Variants in NECTIN3 observed in about 807,000 individuals in gnomAD.
The protein encoded by NECTIN3 is nectin-3.
In NECTIN3, 8 loss-of-function variants were observed where a neutral mutation model predicts 49.4. That is an observed-to-expected ratio of 0.16 (90% CI 0.10 to 0.29). The LOEUF (loss-of-function observed/expected upper bound fraction) is 0.29, where lower values mean the gene tolerates loss of function less well. NECTIN3 is among the 10% of genes least tolerant of loss of function. The pLI is 1.00. For synonymous variants in NECTIN3, 277 were observed against 241.1 expected, an observed-to-expected ratio of 1.15 and a Z score of -1.38; for missense variants, 581 against 654.6, an observed-to-expected ratio of 0.89 and a Z score of 1.23.
chr3:111,178,056 C>A (rs1470302841), intron 7 of NECTIN3, among the ~76,000 whole-genome samples: 1 of 152,098 alleles, frequency 6.6e-6, no homozygotes, highest in Non-Finnish European at 1.5e-5. Flanking sequence ...TATCACATTT[C>A]GCTTTGAAAA....
chr3:111,111,768 G>T (rs192373152), intron 1 of NECTIN3, among the ~76,000 whole-genome samples: 3 of 152,148 alleles, frequency 2.0e-5, no homozygotes, highest in South Asian at 2.1e-4. Context: ...ACATATTGGC[G>T]TATTGTTAAT....
intron 7 of NECTIN3, among the ~76,000 whole-genome samples, chr3:111,186,457 G>A (rs1377636432): frequency 1.3e-5 from 2 of 152,078 alleles, no homozygotes; most frequent in Non-Finnish European, 2.9e-5. Flanking sequence ...CAAGCAATGA[G>A]GAAAGGACTC....
chr3:111,093,564 A>G (rs2032402054), intron 1 of NECTIN3, among the ~76,000 whole-genome samples: 1 of 151,850 alleles, frequency 6.6e-6, no homozygotes. Context: ...CCTCCTGAGT[A>G]ACTAGGATTA....
At position 111,137,228 on chromosome 3, in the gene NECTIN3, A is replaced by G; in HGVS notation, c.*3013A>G. On this transcript the variant is annotated 3_prime_UTR_variant, in exon 6 of 6. Transcript: ENST00000485303. ...GTTTATGTATGAAAGTAATCAATGTAAAATATAAGAAAGGAATAAATGGTA... is the reference window on the plus strand; with the variant it reads ...GTTTATGTATGAAAGTAATCAATGTGAAATATAAGAAAGGAATAAATGGTA... 2.1e-6 allele frequency: 2 copies of G among 932,966 alleles called. No individual in the cohort carries two copies. Among genetic ancestry groups the G allele is most frequent in the Non-Finnish European group, 2.6e-6 (2 of 782,432 alleles). The allele number at this position is 932,966 out of a possible 1,614,324, so 57.8% of individuals were successfully genotyped here.
At chr3:111,101,479 A>G (rs1231986305) in intron 1 of NECTIN3, among the ~76,000 whole-genome samples, 3 of 152,128 alleles carry the variant, frequency 2.0e-5, no homozygotes, top group Admixed American at 2.0e-4. Flanking sequence ...CGTGTAAGTT[A>G]TTATAGAAAC....
chr3:111,098,210 C>A (rs1175958185), intron 1 of NECTIN3, among the ~76,000 whole-genome samples: 1 of 152,198 alleles, frequency 6.6e-6, no homozygotes, highest in African/African-American at 2.4e-5. Flanking sequence ...AACGTCTTCC[C>A]TGTTTTTGTT....
chr3:111,171,554 C>T (rs577642581), intron 7 of NECTIN3, among the ~76,000 whole-genome samples: 1 of 152,278 alleles, frequency 6.6e-6, no homozygotes, highest in East Asian at 1.9e-4. Context: ...AGAAGATGCT[C>T]ACCTTCTGCA....
intron 7 of NECTIN3, among the ~76,000 whole-genome samples, chr3:111,176,435 G>T (rs1384774630): frequency 6.6e-6 from 1 of 152,104 alleles, no homozygotes; most frequent in African/African-American, 2.4e-5. Context: ...CTGCCTCTGT[G>T]CAGGTCACTT....
intron 1 of NECTIN3, among the ~76,000 whole-genome samples, chr3:111,093,672 G>A (rs576993079): frequency 6.6e-6 from 1 of 152,108 alleles, no homozygotes; most frequent in Non-Finnish European, 1.5e-5. Context: ...CTAACCTCAG[G>A]TGATCCGCCT....
intron 5 of NECTIN3, among the ~76,000 whole-genome samples, chr3:111,133,408 T>G (rs1309068677): frequency 2.0e-5 from 3 of 152,090 alleles, no homozygotes; most frequent in Non-Finnish European, 4.4e-5. Flanking sequence ...CACCATAGGT[T>G]TTATTCCTTT....
intron 7 of NECTIN3, among the ~76,000 whole-genome samples, chr3:111,162,994 C>T (rs1284710494): frequency 6.6e-6 from 1 of 152,198 alleles, no homozygotes. Context: ...ATTACTCTCT[C>T]TTATGATTCT....
chr3:111,164,084 C>T (rs2035272099), intron 7 of NECTIN3, among the ~76,000 whole-genome samples: 1 of 151,626 alleles, frequency 6.6e-6, no homozygotes, highest in African/African-American at 2.4e-5. Context: ...ATTTGTATTT[C>T]ATAATTGATA....
chr3:111,161,708 T>C lies in NECTIN3; in HGVS notation c.1221+14224T>C, dbSNP rs148509063. On this transcript the variant is annotated intron_variant, in intron 7 of 8. Coordinates refer to the NECTIN3 transcript ENST00000493615. ...AAACCATCCCCTGTACCCTGCTCCA[T>C]GGAAAAAATCGTCTTCCATGAAAGC... Among the ~76,000 whole-genome samples the C allele has an allele frequency of 1.1e-3, 164 of 152,306 alleles. 1 individual carries two copies. The East Asian group carries it at 0.029, about 27-fold the overall frequency.
At chr3:111,142,377 A>G (rs2034768474), downstream of NECTIN3, among the ~76,000 whole-genome samples, 1 of 151,862 alleles carries the variant, frequency 6.6e-6, no homozygotes, top group African/African-American at 2.4e-5. Context: ...GAGGTATGGG[A>G]GAAAGAGGAT....
In NECTIN3 at chr3:111,133,540, A is replaced by G. The variant is rs537964025; in HGVS notation, c.1070-95A>G. On this transcript the variant is annotated intron_variant, in intron 5 of 5. Coordinates refer to ENST00000485303, the MANE Select transcript of NECTIN3 (RefSeq NM_015480.3). Reference sequence around the variant, plus strand: ...CTATTGTTACTATGAATATATATTCATTAACTGTGCTGTCTTGTCAACTTG... The same window carrying G: ...CTATTGTTACTATGAATATATATTCGTTAACTGTGCTGTCTTGTCAACTTG... The G allele has an allele frequency of 2.8e-6, 4 of 1,450,722 alleles. No homozygotes were observed. In the African/African-American group the frequency reaches 5.7e-5, roughly 21 times the overall value. 89.9% of individuals were successfully genotyped at this position (1,450,722 alleles called of 1,614,324 possible).
chr3:111,174,438 T>TA lies in NECTIN3; in HGVS notation c.1222-17912dup, dbSNP rs148625176. Among the ~76,000 whole-genome samples the TA allele has an allele frequency of 8.0e-3, 1,220 of 152,304 alleles. 17 individuals are homozygous for TA. Among genetic ancestry groups the TA allele is most frequent in the African/African-American group, 0.028 (1,159 of 41,560 alleles). The stretch of plus-strand genomic sequence containing the variant: ...TGCTTGACCGTGGGGTTCTGTACCA[T>TA]ATCCTGCAGGAGGTGCTTTATAAAT... On this transcript the variant is annotated intron_variant, in intron 7 of 8. Transcript: ENST00000493615.
At position 111,081,284 on chromosome 3, in the gene NECTIN3, A is replaced by G. The variant is rs13063455; in HGVS notation, c.160+9107A>G. Among the ~76,000 whole-genome samples, 38 of 152,346 alleles carry G rather than the reference A, an allele frequency of 2.5e-4. 1 individual carries two copies. The highest frequency in any genetic ancestry group is 4.4e-4 in the Non-Finnish European group (30 of 68,038). On this transcript the variant is annotated intron_variant, in intron 1 of 5. Transcript: ENST00000485303. ...CAACAGGGCAAGACTCTGTTTCACC[A>G]TAAAAACAAAAGACAAAACAAAACA...
At chr3:111,170,660 C>T (rs2107526338) in intron 7 of NECTIN3, among the ~76,000 whole-genome samples, 1 of 152,266 alleles carries the variant, frequency 6.6e-6, no homozygotes, top group East Asian at 1.9e-4. Flanking sequence ...GTAAGGGGAA[C>T]TTCTGGCTAA....
intron 5 of NECTIN3, among the ~76,000 whole-genome samples, chr3:111,130,432 G>C (rs1329967228): frequency 6.6e-6 from 1 of 151,918 alleles, no homozygotes; most frequent in Non-Finnish European, 1.5e-5. Flanking sequence ...AAACCTAGTA[G>C]GCTTTTACAA....
Sources: gnomAD v4.1 joint callset for allele counts (sites outside exome capture counted in the v4.1 genomes callset) on GRCh38, gnomAD v4.1.1 for gene constraint, MANE v1.5 for transcripts, NCBI Gene and HGNC (gene_info 2026-07-23, HGNC 2026-07-21) for gene names.